The following ABHD17C variants were observed in gnomAD, a reference collection of about 807,000 sequenced individuals.
The protein encoded by ABHD17C is abhydrolase domain containing 17C, depalmitoylase.
Under a neutral mutation model 27.9 loss-of-function variants are expected in ABHD17C, and 11 were observed. The observed-to-expected ratio is 0.39, with a 90% CI of 0.25 to 0.65. The LOEUF is 0.65. ABHD17C is among the 30% of genes least tolerant of loss of function. The pLI is 0.45. For synonymous variants in ABHD17C, 233 were observed against 209.1 expected (o/e 1.11, Z -0.98); for missense variants, 280 against 470.2 (o/e 0.60, Z 3.74).
intron 1 of ABHD17C, among the ~76,000 whole-genome samples, chr15:80,735,793 A>G (rs1895122445): frequency 6.6e-6 from 1 of 152,164 alleles, no homozygotes; most frequent in Non-Finnish European, 1.5e-5. Context: ...TGACCATAAT[A>G]TTAATTTTGC....
chr15:80,730,177 G>C (rs1895039189), intron 1 of ABHD17C, among the ~76,000 whole-genome samples: 1 of 152,050 alleles, frequency 6.6e-6, no homozygotes, highest in Non-Finnish European at 1.5e-5. Flanking sequence ...GGTGGTTATA[G>C]ATAAGCCTCA....
chr15:80,696,055 C>T, intron 1 of ABHD17C, 36 bp downstream of exon 1: 1 of 1,513,910 alleles, frequency 6.6e-7, no homozygotes, highest in Non-Finnish European at 8.9e-7. Flanking sequence ...TGACTTCCAG[C>T]TGTGGGGAGG....
intron 1 of ABHD17C, among the ~76,000 whole-genome samples, chr15:80,721,916 T>C (rs1894902826): frequency 6.6e-6 from 1 of 152,134 alleles, no homozygotes; most frequent in South Asian, 2.1e-4. Context: ...CTAAAAGTCT[T>C]AGCTCACCCA....
chr15:80,747,191 A>C (rs1895299691), intron 1 of ABHD17C, among the ~76,000 whole-genome samples: 1 of 152,188 alleles, frequency 6.6e-6, no homozygotes, highest in African/African-American at 2.4e-5. Context: ...CCAAATGTGG[A>C]AATTGGAGGC....
chr15:80,745,238 A>C lies in ABHD17C; in HGVS notation c.591-4275A>C, dbSNP rs151277935. Among the ~76,000 whole-genome samples the C allele has an allele frequency of 4.5e-4, 69 of 152,190 alleles. No homozygotes were observed. In the East Asian group the frequency reaches 9.8e-3, roughly 22 times the overall value. On this transcript the variant is annotated intron_variant, in intron 1 of 2. Coordinates refer to ENST00000258884, the MANE Select transcript of ABHD17C (RefSeq NM_021214.2). ...CTTTTTGCCTGTAATCACTATCCTA[A>C]CTTTAGTGATTCACTTCCTTGCTTT...
chr15:80,710,148 G>A (rs1894710107), intron 1 of ABHD17C, among the ~76,000 whole-genome samples: 1 of 152,158 alleles, frequency 6.6e-6, no homozygotes, highest in Non-Finnish European at 1.5e-5. Flanking sequence ...AGCAGTGAGG[G>A]GTTAGCTATG....
At chr15:80,711,496 C>T (rs1894728279) in intron 1 of ABHD17C, among the ~76,000 whole-genome samples, 1 of 152,176 alleles carries the variant, frequency 6.6e-6, no homozygotes, top group Admixed American at 6.5e-5. Context: ...TGCAGTTTTG[C>T]CAGAGGTCTT....
chr15:80,698,946 T>G (rs1479644937), intron 1 of ABHD17C, among the ~76,000 whole-genome samples: 1 of 152,206 alleles, frequency 6.6e-6, no homozygotes, highest in Non-Finnish European at 1.5e-5. Flanking sequence ...CTTAGATTAT[T>G]CCCCCAGGAG....
intron 1 of ABHD17C, among the ~76,000 whole-genome samples, chr15:80,701,160 C>T (rs1258872934): frequency 6.6e-6 from 1 of 152,168 alleles, no homozygotes; most frequent in African/African-American, 2.4e-5. Flanking sequence ...GGCATCCTCT[C>T]AGGTCGTGGG....
intron 1 of ABHD17C, among the ~76,000 whole-genome samples, chr15:80,746,602 G>A (rs1436098695): frequency 6.6e-6 from 1 of 152,210 alleles, no homozygotes; most frequent in Non-Finnish European, 1.5e-5. Context: ...CCGAAGGCTA[G>A]GAACTGAGAA....
Position 80,695,570 on chromosome 15 carries a change from G to C in ABHD17C, c.141G>C (p.Pro47=). 1 of 1,190,700 alleles carries C rather than the reference G, an allele frequency of 8.4e-7. No homozygotes were observed. The highest frequency in any genetic ancestry group is 1.1e-6 in the Non-Finnish European group (1 of 950,648). The allele number at this position is 1,190,700 out of a possible 1,614,324, so 73.8% of individuals were successfully genotyped here. Residue 47 remains proline, a synonymous_variant, in exon 1 of 3, where the codon CCG becomes CCC. Coordinates refer to ENST00000258884, the MANE Select transcript of ABHD17C (RefSeq NM_021214.2). The surrounding 1 kb of genome is among the most constrained non-coding windows in gnomAD (Gnocchi z 4.3). ...PPEPTYTVLA[P]EQRGAGASAP... ...AGCCCACCTACACGGTGCTGGCGCC[G>C]GAGCAGCGCGGCGCCGGCGCGTCCG...
chr15:80,740,890 G>A (rs1895200035), intron 1 of ABHD17C, among the ~76,000 whole-genome samples: 1 of 152,184 alleles, frequency 6.6e-6, no homozygotes, highest in Non-Finnish European at 1.5e-5. Context: ...GGAGAAGAGT[G>A]TACAGAAAAT....
At position 80,733,989 on chromosome 15, in the gene ABHD17C, TTATTTA is replaced by T. The variant is rs1359332290; in HGVS notation, c.591-15522_591-15517del. On this transcript the variant is annotated intron_variant, in intron 1 of 2. Transcript: ENST00000258884. ...TTTATTTATTTATTTATTTATTTAT[TTATTTA>T]TTTTTTTAAAACAGGGTCTGGCTCT... 2.3e-3 allele frequency among the ~76,000 whole-genome samples: 305 copies of T among 134,244 alleles called. 1 individual carries two copies. Among genetic ancestry groups the T allele is most frequent in the Admixed American group, 3.6e-3 (50 of 13,910 alleles). The allele number at this position is 134,244 out of a possible 152,430, so 88.1% of individuals were successfully genotyped here.
intron 1 of ABHD17C, among the ~76,000 whole-genome samples, chr15:80,723,140 G>A (rs201311204): frequency 2.8e-4 from 27 of 94,928 alleles, no homozygotes; most frequent in African/African-American, 1.9e-3. Flanking sequence ...GTGTATATAT[G>A]TGTGTGTGTG....
Position 80,754,547 on chromosome 15 carries a change from T to C in ABHD17C, c.*177T>C, listed in dbSNP as rs1469303594. The C allele has an allele frequency of 6.7e-6, 4 of 597,258 alleles. No homozygotes were observed. The highest frequency in any genetic ancestry group is 6.1e-5 in the Admixed American group (2 of 32,986). The allele number at this position is 597,258 out of a possible 1,614,324, so 37.0% of individuals were successfully genotyped here. Reference sequence around the variant, plus strand: ...CTTTTGTATCTAGAGGTGGTTCTGCTAATTCACACAACACGTTAAACTGAA... The same window carrying C: ...CTTTTGTATCTAGAGGTGGTTCTGCCAATTCACACAACACGTTAAACTGAA... On this transcript the variant is annotated 3_prime_UTR_variant, in exon 3 of 3. Coordinates refer to ENST00000258884, the MANE Select transcript of ABHD17C (RefSeq NM_021214.2).
intron 1 of ABHD17C, among the ~76,000 whole-genome samples, chr15:80,701,098 G>A (rs968896370): frequency 9.9e-5 from 15 of 152,132 alleles, no homozygotes; most frequent in Admixed American, 9.2e-4. Context: ...TTTTGTGTCG[G>A]TGATTCACAG....
At chr15:80,731,037 T>C (rs1217178007) in intron 1 of ABHD17C, among the ~76,000 whole-genome samples, 1 of 152,186 alleles carries the variant, frequency 6.6e-6, no homozygotes, top group Admixed American at 6.5e-5. Flanking sequence ...TTAGACTGAC[T>C]TTAAAAGGAA....
intron 1 of ABHD17C, among the ~76,000 whole-genome samples, chr15:80,696,584 A>G (rs529912885): frequency 6.6e-6 from 1 of 152,120 alleles, no homozygotes; most frequent in Non-Finnish European, 1.5e-5. Context: ...TGGTGGGGCA[A>G]AGTAGTGGCA....
chr15:80,706,400 G>A (rs1894649621), intron 1 of ABHD17C, among the ~76,000 whole-genome samples: 1 of 152,186 alleles, frequency 6.6e-6, no homozygotes, highest in African/African-American at 2.4e-5. Context: ...GCTGAGAGGA[G>A]CCTAACCTCA....
Sources: gnomAD v4.1 joint callset for allele counts (sites outside exome capture counted in the v4.1 genomes callset) on GRCh38, gnomAD v4.1.1 for gene constraint, Gnocchi (gnomAD v3.1) non-coding constraint, MANE v1.5 for transcripts, NCBI Gene and HGNC (gene_info 2026-07-23, HGNC 2026-07-21) for gene names.